The following OPRD1 variants were observed in gnomAD, a reference collection of about 807,000 sequenced individuals.
The protein encoded by OPRD1 is delta-type opioid receptor.
A neutral mutation model predicts 17.5 loss-of-function variants in OPRD1; 19 were observed. The ratio of observed to expected loss-of-function variants is 1.09; its 90% CI spans 0.76 to 1.60. The LOEUF (loss-of-function observed/expected upper bound fraction) is 1.60, where lower values mean the gene tolerates loss of function less well. Among genes scored for constraint, OPRD1 ranks in the 40% most tolerant of loss-of-function variants. The pLI is 0.00. For missense variants in OPRD1, 483 were observed against 547.2 expected (o/e 0.88, Z 1.17); for synonymous variants, 256 against 240.9 (o/e 1.06, Z -0.58).
chr1:28,860,995 T>C (rs1371394999), intron 2 of OPRD1, among the ~76,000 whole-genome samples: 2 of 152,132 alleles, frequency 1.3e-5, no homozygotes, highest in Non-Finnish European at 1.5e-5. Flanking sequence ...GCCTCCTCAC[T>C]CCACAATCCC....
chr1:28,830,365 G>GA (rs1025476580), intron 1 of OPRD1, among the ~76,000 whole-genome samples: 5 of 151,702 alleles, frequency 3.3e-5, no homozygotes, highest in Admixed American at 1.3e-4. Flanking sequence ...TCTACAAAAT[G>GA]AAAAAAACAA....
chr1:28,831,378 G>A (rs1290525415), intron 1 of OPRD1, among the ~76,000 whole-genome samples: 5 of 152,072 alleles, frequency 3.3e-5, no homozygotes, highest in East Asian at 1.9e-4. Context: ...GCGTGGTGGC[G>A]TGCGCCTGTA....
rs1557581464 is a variant in OPRD1, at chr1:28,862,788, C to T, written c.624C>T (p.Tyr208=). 1 of 1,613,334 alleles carries T rather than the reference C, an allele frequency of 6.2e-7. No individual in the cohort carries two copies. Among genetic ancestry groups the T allele is most frequent in the Non-Finnish European group, 8.5e-7 (1 of 1,179,708 alleles). ...CMLQFPSPSW[Y]WDTVTKICVF... ...TCCAGTTCCCCAGCCCCAGCTGGTA[C>T]TGGGACACGGTGACCAAGATCTGCG... Residue 208 remains tyrosine, a synonymous_variant, in exon 3 of 3, where the codon TAC becomes TAT. Transcript: ENST00000234961.
chr1:28,864,486 A>G lies in OPRD1; in HGVS notation c.*1203A>G, dbSNP rs2089155329. ...GGTTGGAGTAGGGTCCCCAGAACTG[A>G]GTACTAATGGGGGCCCAGAGGCTTG... On this transcript the variant is annotated 3_prime_UTR_variant, in exon 3 of 3. Coordinates refer to ENST00000234961, the MANE Select transcript of OPRD1 (RefSeq NM_000911.4). 1 of 151,586 alleles carries G rather than the reference A, an allele frequency of 6.6e-6. No homozygotes were observed. Among genetic ancestry groups the G allele is most frequent in the Admixed American group, 6.6e-5 (1 of 15,186 alleles). The allele number at this position is 151,586 out of a possible 1,614,324, so 9.4% of individuals were successfully genotyped here.
intron 1 of OPRD1, among the ~76,000 whole-genome samples, chr1:28,821,028 GC>G (rs1381444917): frequency 2.6e-5 from 4 of 152,012 alleles, no homozygotes; most frequent in Non-Finnish European, 5.9e-5. Flanking sequence ...AGAGAAAAGA[GC>G]TTTTTCATTT....
Position 28,863,775 on chromosome 1 carries a change from A to G in OPRD1, c.*492A>G. 1 of 154,814 alleles carries G rather than the reference A, an allele frequency of 6.5e-6. No homozygotes were observed. Among genetic ancestry groups the G allele is most frequent in the Non-Finnish European group, 1.4e-5 (1 of 69,990 alleles). The allele number at this position is 154,814 out of a possible 1,614,324, so 9.6% of individuals were successfully genotyped here. On this transcript the variant is annotated 3_prime_UTR_variant, in exon 3 of 3. Transcript: ENST00000234961. Reference sequence around the variant, plus strand: ...ACTGGGCCTCTGTGTAGTAGGGAGGAGCCTCCTGTGAGGGGAGACCCAGAG... The same window carrying G: ...ACTGGGCCTCTGTGTAGTAGGGAGGGGCCTCCTGTGAGGGGAGACCCAGAG...
intron 1 of OPRD1, among the ~76,000 whole-genome samples, chr1:28,813,776 A>G (rs1048138274): frequency 6.6e-6 from 1 of 152,184 alleles, no homozygotes; most frequent in Non-Finnish European, 1.5e-5. Flanking sequence ...CATGCAGGGC[A>G]TAGGTCAGGT....
intron 1 of OPRD1, among the ~76,000 whole-genome samples, chr1:28,834,302 T>C (rs2088831821): frequency 6.6e-6 from 1 of 152,084 alleles, no homozygotes; most frequent in Non-Finnish European, 1.5e-5. Flanking sequence ...AGGAACTGTG[T>C]CACATTCATC....
intron 1 of OPRD1, among the ~76,000 whole-genome samples, chr1:28,855,903 C>G (rs948791908): frequency 3.3e-5 from 5 of 152,190 alleles, no homozygotes; most frequent in Admixed American, 1.3e-4. Flanking sequence ...CAAATGACAG[C>G]TATTTGGGAG....
intron 1 of OPRD1, among the ~76,000 whole-genome samples, chr1:28,815,576 C>A (rs1206390963): frequency 6.6e-6 from 1 of 152,224 alleles, no homozygotes; most frequent in Admixed American, 6.5e-5. Context: ...GAGGGCAGGG[C>A]AGCTGCCTGG....
chr1:28,842,336 C>T (rs1330994841), intron 1 of OPRD1, among the ~76,000 whole-genome samples: 6 of 152,208 alleles, frequency 3.9e-5, no homozygotes, highest in Non-Finnish European at 5.9e-5. Flanking sequence ...GCCTGAGCAC[C>T]GGGCATTTAG....
Position 28,866,636 on chromosome 1 carries a change from G to A in OPRD1, c.*3353G>A, listed in dbSNP as rs951016463. 33 of 152,172 alleles carry A rather than the reference G, an allele frequency of 2.2e-4. No homozygotes were observed. Among genetic ancestry groups the A allele is most frequent in the African/African-American group, 7.7e-4 (32 of 41,436 alleles). 9.4% of individuals were successfully genotyped at this position (152,172 alleles called of 1,614,324 possible). The stretch of plus-strand genomic sequence containing the variant: ...CAGAACTTGGGTCCCTGGAATTCCA[G>A]GGTCCATGTTTCCAGTTAATTCCAG... On this transcript the variant is annotated 3_prime_UTR_variant, in exon 3 of 3. Coordinates refer to ENST00000234961, the MANE Select transcript of OPRD1 (RefSeq NM_000911.4).
chr1:28,857,349 A>G (rs952669736), intron 1 of OPRD1, among the ~76,000 whole-genome samples: 4 of 152,182 alleles, frequency 2.6e-5, no homozygotes, highest in Non-Finnish European at 5.9e-5. Flanking sequence ...CAGCTAATAT[A>G]ATAAGTAGTA....
chr1:28,846,858 C>CTTTCTTTCT (rs2088953729), intron 1 of OPRD1, among the ~76,000 whole-genome samples: 17 of 54,356 alleles, frequency 3.1e-4, no homozygotes, highest in African/African-American at 8.1e-4. Flanking sequence ...TTCTTTCTTT[C>CTTTCTTTCT]TTTCTTTCTT....
At chr1:28,814,036 C>A (rs1039616643) in intron 1 of OPRD1, among the ~76,000 whole-genome samples, 6 of 152,128 alleles carry the variant, frequency 3.9e-5, no homozygotes, top group African/African-American at 1.4e-4. Context: ...TCTGGGAGAT[C>A]TTTGCTCCTC....
At chr1:28,850,700 T>C (rs530499133) in intron 1 of OPRD1, among the ~76,000 whole-genome samples, 21 of 151,386 alleles carry the variant, frequency 1.4e-4, no homozygotes, top group Admixed American at 5.9e-4. Flanking sequence ...GGAGGATTGA[T>C]TGAGCCTAGG....
intron 1 of OPRD1, among the ~76,000 whole-genome samples, chr1:28,856,832 G>A (rs1455220191): frequency 2.0e-5 from 3 of 152,190 alleles, no homozygotes; most frequent in Non-Finnish European, 4.4e-5. Context: ...GGACCCCTGG[G>A]CTCATGCCTT....
In OPRD1 at chr1:28,846,821, TTTTC is replaced by T. The variant is rs1196638603; in HGVS notation, c.228-12109_228-12106del. ...TTGTATCACATGGAGGCTGTTTGCA[TTTTC>T]TTTCTTTCTTTCTTTCTTTCTTTTC... On this transcript the variant is annotated intron_variant, in intron 1 of 2. Transcript: ENST00000234961. Among the ~76,000 whole-genome samples the T allele has an allele frequency of 5.2e-3, 536 of 103,632 alleles. 6 individuals carry two copies. Among genetic ancestry groups the T allele is most frequent in the African/African-American group, 0.015 (454 of 30,294 alleles). 68.0% of individuals were successfully genotyped at this position (103,632 alleles called of 152,430 possible). A position where few individuals can be genotyped will look rare whatever the true frequency, so the allele number is the denominator to read the frequency against.
chr1:28,853,621 T>TG (rs564395650), intron 1 of OPRD1, among the ~76,000 whole-genome samples: 34 of 152,298 alleles, frequency 2.2e-4, no homozygotes, highest in African/African-American at 7.9e-4. Context: ...TGATTGCCCC[T>TG]GGGGAACAGG....
Sources: allele counts gnomAD v4.1 joint callset (sites outside exome capture counted in the v4.1 genomes callset), GRCh38; gene constraint gnomAD v4.1.1; transcripts MANE v1.5; gene names NCBI Gene and HGNC (gene_info 2026-07-23, HGNC 2026-07-21).